Variants in KDR observed in about 807,000 individuals in gnomAD.
KDR encodes kinase insert domain receptor, also known as vascular endothelial growth factor receptor 2.
A neutral mutation model predicts 160.9 loss-of-function variants in KDR; 43 were observed. That is an observed-to-expected ratio of 0.27 (90% CI 0.21 to 0.34). The LOEUF (loss-of-function observed/expected upper bound fraction) is 0.34. Ranked by LOEUF, KDR falls within the 10% of genes least tolerant of loss-of-function variation. The pLI, the probability that KDR is intolerant of heterozygous loss-of-function variation, is 1.00. For synonymous variants in KDR, 617 were observed against 600.1 expected (o/e 1.03, Z -0.41); for missense variants, 1,469 against 1,666.4 (o/e 0.88, Z 2.06).
chr4:55,109,877 A>G (rs1389645123), intron 9 of KDR, among the ~76,000 whole-genome samples: 1 of 152,180 alleles, frequency 6.6e-6, no homozygotes, highest in African/African-American at 2.4e-5. Flanking sequence ...TACAGACTCA[A>G]AATCAGATCC....
At chr4:55,109,557 G>A (rs1383099042) in intron 9 of KDR, among the ~76,000 whole-genome samples, 1 of 152,064 alleles carries the variant, frequency 6.6e-6, no homozygotes, top group Non-Finnish European at 1.5e-5. Flanking sequence ...TTCTCAAACT[G>A]TTTGGAGTGA....
rs1391380389 is a variant in KDR, at chr4:55,080,094, C to A, written c.3918G>T (p.Gln1306His). 6.2e-7 allele frequency: 1 copy of A among 1,614,124 alleles called. No individual in the cohort carries two copies. The highest frequency in any genetic ancestry group is 1.3e-5 in the African/African-American group (1 of 75,042). Residue 1306 changes from glutamine to histidine, a missense_variant, in exon 30 of 30, where the codon CAG becomes CAT. By Grantham distance (24) the Gln-to-His change is conservative. Transcript: ENST00000263923. ...SEGSNQTSGY[Q>H]SGYHSDDTDT... ...CTGTGTCATCGGAGTGATATCCGGACTGGTAGCCGCTTGTCTGGTTTGAGC... is the reference window on the plus strand; with the variant it reads ...CTGTGTCATCGGAGTGATATCCGGAATGGTAGCCGCTTGTCTGGTTTGAGC...
intron 27 of KDR, among the ~76,000 whole-genome samples, chr4:55,085,296 C>T (rs1719834438): frequency 6.6e-6 from 1 of 152,178 alleles, no homozygotes; most frequent in South Asian, 2.1e-4. Context: ...ACTTCTCAGC[C>T]TTTTCTCTAA....
In KDR at chr4:55,079,863, G is replaced by A; in HGVS notation, c.*78C>T. 2 of 1,290,714 alleles carry A rather than the reference G, an allele frequency of 1.5e-6. No homozygotes were observed. Among genetic ancestry groups the A allele is most frequent in the Non-Finnish European group, 2.3e-6 (2 of 886,186 alleles). 80.0% of individuals were successfully genotyped at this position (1,290,714 alleles called of 1,614,324 possible). A position where few individuals can be genotyped will look rare whatever the true frequency, so the allele number is the denominator to read the frequency against. On this transcript the variant is annotated 3_prime_UTR_variant, in exon 30 of 30. Transcript: ENST00000263923. ...AATCAAATGCGGCTACTTCCTGCTG[G>A]TGGAAAGAACAACACTTGAAAATCT...
At chr4:55,097,533 A>C (rs1043818840) in intron 18 of KDR, 129 bp downstream of exon 18, 4 of 676,010 alleles carry the variant, frequency 5.9e-6, no homozygotes, top group Middle Eastern at 2.9e-4. Context: ...GCACAAGGGC[A>C]TTATTTAGGC....
intron 21 of KDR, among the ~76,000 whole-genome samples, chr4:55,093,687 CA>C (rs1720076812): frequency 6.6e-6 from 1 of 152,224 alleles, no homozygotes; most frequent in Non-Finnish European, 1.5e-5. Flanking sequence ...GAGTTAAATG[CA>C]AATTCTCTCT....
At chr4:55,122,509 T>A (rs542059662) in intron 1 of KDR, among the ~76,000 whole-genome samples, 16 of 152,084 alleles carry the variant, frequency 1.1e-4, no homozygotes, top group African/African-American at 3.9e-4. Context: ...AGAGTATAAG[T>A]AAATACCCAG....
At chr4:55,080,268 G>C in intron 29 of KDR, 105 bp from the exon 30 acceptor site, 1 of 948,156 alleles carries the variant, frequency 1.1e-6, no homozygotes, top group Non-Finnish European at 1.7e-6. Context: ...TCTCCCTGGA[G>C]ACCGCAGCCC....
In KDR at chr4:55,105,925, C is replaced by T; in HGVS notation, c.1552G>A (p.Val518Ile). The change falls in exon 12 of 30, where the codon GTT (valine) becomes ATT (isoleucine). Residue 518 changes from valine to isoleucine, a missense_variant. Physicochemically the swap from Val to Ile is conservative, Grantham distance 29 (BLOSUM62 3). Transcript: ENST00000263923. Reference sequence around the variant, plus strand: ...GCTGACACATTTGCCGCTTGGATAACAAGGGTACTTACAGTCTGTGCGGGG... The same window carrying T: ...GCTGACACATTTGCCGCTTGGATAATAAGGGTACTTACAGTCTGTGCGGGG... ...EGKNKTVSTL[V>I]IQAANVSALY... 6.2e-7 allele frequency: 1 copy of T among 1,612,552 alleles called. No homozygotes were observed.
In KDR at chr4:55,079,149, A is replaced by G. The variant is rs1345536863; in HGVS notation, c.*792T>C. ...GAGCTGAATGTCCTTTCTTTGTGGT[A>G]TTCTGAATAAAGGATCAGCCTGGGA... is the stretch of plus-strand genomic sequence containing the variant. On this transcript the variant is annotated 3_prime_UTR_variant, in exon 30 of 30. Coordinates refer to ENST00000263923, the MANE Select transcript of KDR (RefSeq NM_002253.4). 1.3e-5 allele frequency: 3 copies of G among 233,276 alleles called. No homozygotes were observed. The highest frequency in any genetic ancestry group is 2.5e-5 in the Non-Finnish European group (3 of 118,158). The allele number at this position is 233,276 out of a possible 1,614,324, so 14.5% of individuals were successfully genotyped here.
chr4:55,095,586 G>A lies in KDR; in HGVS notation c.2808C>T (p.Val936=). ...TYLRSKRNEF[V]PYKTKGARFR... ...TTAGGAGATGACATACCTTGTAGGG[G>A]ACAAATTCATTTCTCTTGCTCCTCA... Residue 936 remains valine, a synonymous_variant, in exon 20 of 30, where the codon GTC becomes GTT. Transcript: ENST00000263923. 2 of 1,609,744 alleles carry A rather than the reference G, an allele frequency of 1.2e-6. No individual in the cohort carries two copies. The highest frequency in any genetic ancestry group is 1.1e-5 in the South Asian group (1 of 90,974).
intron 21 of KDR, 103 bp from the exon 22 acceptor site, chr4:55,092,817 T>C (rs1425369779): frequency 2.5e-6 from 2 of 811,552 alleles, no homozygotes; most frequent in African/African-American, 1.7e-5. Flanking sequence ...GGGAGTTAAG[T>C]TTTTAGGAAA....
chr4:55,112,066 A>T (rs563466804), intron 7 of KDR, among the ~76,000 whole-genome samples: 1 of 152,208 alleles, frequency 6.6e-6, no homozygotes, highest in Non-Finnish European at 1.5e-5. Flanking sequence ...GTAAACTCAG[A>T]CATTTATGTA....
In KDR at chr4:55,104,738, T is replaced by A. The variant is rs199545268; in HGVS notation, c.1892A>T (p.Asn631Ile). ...GTCTCCTTGGTCCTGCAAGGATGCA[T>A]TCTTAAGCTCCATGATCAAAATGTC... is the stretch of plus-strand genomic sequence containing the variant. ...TNDILIMELK[N>I]ASLQDQGDYV... Residue 631 changes from asparagine to isoleucine, a missense_variant, in exon 13 of 30, where the codon AAT becomes ATT. Physicochemically the swap from Asn to Ile is moderately radical, Grantham distance 149 (BLOSUM62 -3). Transcript: ENST00000263923. 5.0e-6 allele frequency: 8 copies of A among 1,613,964 alleles called. No individual in the cohort carries two copies. Among genetic ancestry groups the A allele is most frequent in the Non-Finnish European group, 6.8e-6 (8 of 1,179,894 alleles).
At chr4:55,083,799 C>T (rs1192521140) in intron 27 of KDR, among the ~76,000 whole-genome samples, 1 of 152,184 alleles carries the variant, frequency 6.6e-6, no homozygotes, top group Non-Finnish European at 1.5e-5. Context: ...GAGGCTGGTT[C>T]CTCCCTATAG....
At chr4:55,118,494 G>A (rs1329033771) in intron 3 of KDR, 110 bp downstream of exon 3, 7 of 833,524 alleles carry the variant, frequency 8.4e-6, no homozygotes, top group Non-Finnish European at 1.4e-5. Flanking sequence ...ATTCCTCTTG[G>A]CAAACAGCCT....
chr4:55,103,474 T>C (rs1355221399), intron 13 of KDR, among the ~76,000 whole-genome samples: 2 of 152,176 alleles, frequency 1.3e-5, no homozygotes, highest in Non-Finnish European at 2.9e-5. Context: ...TGCGAGCACA[T>C]ATTTTCTGGG....
chr4:55,121,448 A>G (rs929588993), intron 1 of KDR, among the ~76,000 whole-genome samples: 4 of 152,214 alleles, frequency 2.6e-5, no homozygotes, highest in Non-Finnish European at 5.9e-5. Flanking sequence ...GTTTTCCTGC[A>G]TTGCCAACTT....
chr4:55,108,491 C>T (rs575080349), intron 9 of KDR, among the ~76,000 whole-genome samples: 3 of 152,258 alleles, frequency 2.0e-5, no homozygotes, highest in Non-Finnish European at 4.4e-5. Flanking sequence ...CTGTCCACAG[C>T]TTTATACGTG....
Sources: allele counts gnomAD v4.1 joint callset (sites outside exome capture counted in the v4.1 genomes callset), GRCh38; gene constraint gnomAD v4.1.1; transcripts MANE v1.5; gene names NCBI Gene and HGNC (gene_info 2026-07-23, HGNC 2026-07-21).